FLNC: variants seen among roughly 807,000 people sequenced by gnomAD.
FLNC encodes the protein filamin-C.
In FLNC, 91 loss-of-function variants were observed where a neutral mutation model predicts 254.3. The ratio of observed to expected loss-of-function variants is 0.36; its 90% CI spans 0.30 to 0.43. The LOEUF is 0.43. FLNC is among the 20% of genes least tolerant of loss of function. FLNC has a pLI of 1.00. For synonymous variants in FLNC, 1,430 were observed against 1,577.2 expected (o/e 0.91, Z 2.21); for missense variants, 2,853 against 3,802.6 (o/e 0.75, Z 6.57).
At chr7:128,846,566 T>C in intron 23 of FLNC, 103 bp downstream of exon 23, 5 of 1,476,864 alleles carry the variant, frequency 3.4e-6, no homozygotes, top group Non-Finnish European at 4.7e-6. Flanking sequence ...CCCCATCCTC[T>C]CTCAGGGGTG....
chr7:128,842,112 T>G lies in FLNC; in HGVS notation c.2122-119T>G, dbSNP rs993254412. On this transcript the variant is annotated intron_variant, in intron 13 of 47. Coordinates refer to ENST00000325888, the MANE Select transcript of FLNC (RefSeq NM_001458.5). The surrounding 1 kb of genome is among the most constrained non-coding windows in gnomAD (Gnocchi z 5.4). ...GGGCTCTGGTGGCCTCAGTGGCTGG[T>G]GTGGGGGCGGGAGTGCCAGTGTTGG... 8.6e-5 allele frequency: 89 copies of G among 1,032,466 alleles called. No homozygotes were observed. The highest frequency in any genetic ancestry group is 3.0e-4 in the Middle Eastern group (1 of 3,374). The allele number at this position is 1,032,466 out of a possible 1,614,324, so 64.0% of individuals were successfully genotyped here.
intron 5 of FLNC, 112 bp downstream of exon 5, chr7:128,837,867 G>C: frequency 7.3e-7 from 1 of 1,364,652 alleles, no homozygotes; most frequent in Non-Finnish European, 1.0e-6. Flanking sequence ...ACACTGTGCT[G>C]TGCAGTCTGG....
chr7:128,842,511 T>C lies in FLNC; in HGVS notation c.2266-64T>C. ...CTGGTGCCACTGAGGCTGGGCCGGG[T>C]GCGCTGGGCAGGAGGATGAGCCTTG... On this transcript the variant is annotated intron_variant, in intron 14 of 47. Transcript: ENST00000325888. The surrounding 1 kb of genome is among the most constrained non-coding windows in gnomAD (Gnocchi z 5.4). The C allele has an allele frequency of 6.4e-7, 1 of 1,553,302 alleles. No individual in the cohort carries two copies. Among genetic ancestry groups the C allele is most frequent in the Non-Finnish European group, 8.7e-7 (1 of 1,148,768 alleles).
rs543730745 is a variant in FLNC at position 128,831,713 on chromosome 7, C to T, written c.352+724C>T. On this transcript the variant is annotated intron_variant, in intron 1 of 47. Coordinates refer to ENST00000325888, the MANE Select transcript of FLNC (RefSeq NM_001458.5). Reference sequence around the variant, plus strand: ...CCACCCCCTACCGCGGGATTGGCTGCAGCTAACGGTCTGGGCTGCGGGGAG... The same window carrying T: ...CCACCCCCTACCGCGGGATTGGCTGTAGCTAACGGTCTGGGCTGCGGGGAG... 6.0e-4 allele frequency among the ~76,000 whole-genome samples: 91 copies of T among 152,068 alleles called. 2 individuals are homozygous for T. Among genetic ancestry groups the T allele is most frequent in the African/African-American group, 2.2e-3 (90 of 41,462 alleles).
At position 128,840,885 on chromosome 7, in the gene FLNC, C is replaced by G. The variant is rs370464621; in HGVS notation, c.1728C>G (p.Ala576=). ...SPEAGVQKVR[A]WGPGLETGQV... ...AGGCAGGAGTGCAAAAGGTCCGGGCCTGGGGTCCTGGTTTGGAGACTGGCC... is the reference window on the plus strand; with the variant it reads ...AGGCAGGAGTGCAAAAGGTCCGGGCGTGGGGTCCTGGTTTGGAGACTGGCC... The change falls in exon 11 of 48, where the codon GCC becomes GCG. Residue 576 remains alanine, a synonymous_variant. Transcript: ENST00000325888. 14 of 1,613,862 alleles carry G rather than the reference C, an allele frequency of 8.7e-6. No homozygotes were observed. In the African/African-American group the frequency reaches 1.9e-4, roughly 22 times the overall value.
intron 1 of FLNC, among the ~76,000 whole-genome samples, chr7:128,831,285 G>A (rs1010936909): frequency 3.9e-5 from 6 of 152,152 alleles, no homozygotes; most frequent in Non-Finnish European, 8.8e-5. Flanking sequence ...CTCCCGCCTC[G>A]GCTCACCGTT....
At chr7:128,838,163 GC>G in intron 6 of FLNC, 99 bp downstream of exon 6, 2 of 1,484,908 alleles carry the variant, frequency 1.3e-6, no homozygotes, top group Non-Finnish European at 1.9e-6. Flanking sequence ...CCTGCCCAGA[GC>G]CCCAGCTGCC....
chr7:128,843,921 G>A lies in FLNC; in HGVS notation c.2929+8G>A, dbSNP rs1808445965. 5 of 1,613,928 alleles carry A rather than the reference G, an allele frequency of 3.1e-6. No individual in the cohort carries two copies. Among genetic ancestry groups the A allele is most frequent in the South Asian group, 1.1e-5 (1 of 91,084 alleles). On this transcript the variant is annotated splice_region_variant and intron_variant, in intron 19 of 47. Coordinates refer to ENST00000325888, the MANE Select transcript of FLNC (RefSeq NM_001458.5). ...TTCAGGGCCTTAATAGCAGTAAGTG[G>A]GGCAAGAGCCACCCTGGGAGTGAGG...
chr7:128,855,490 G>A (rs1000105837), intron 43 of FLNC, among the ~76,000 whole-genome samples, 176 bp downstream of exon 43: 1 of 152,310 alleles, frequency 6.6e-6, no homozygotes. Context: ...CCACCCTGGG[G>A]GCTTGCCCGT....
chr7:128,838,162 A>G, intron 6 of FLNC, 98 bp downstream of exon 6: 1 of 1,493,332 alleles, frequency 6.7e-7, no homozygotes, highest in South Asian at 1.1e-5. Flanking sequence ...GCCTGCCCAG[A>G]GCCCCAGCTG....
At position 128,838,447 on chromosome 7, in the gene FLNC, G is replaced by A; in HGVS notation, c.1210+18G>A. On this transcript the variant is annotated intron_variant, in intron 7 of 47. Coordinates refer to ENST00000325888, the MANE Select transcript of FLNC (RefSeq NM_001458.5). Reference sequence around the variant, plus strand: ...CACTGCGGGTAGGACGGGCCCCAGGGGGTGCAGGTGGAAAGCCCCTGACCA... The same window carrying A: ...CACTGCGGGTAGGACGGGCCCCAGGAGGTGCAGGTGGAAAGCCCCTGACCA... 2 of 1,613,308 alleles carry A rather than the reference G, an allele frequency of 1.2e-6. No homozygotes were observed. Among genetic ancestry groups the A allele is most frequent in the Non-Finnish European group, 1.7e-6 (2 of 1,179,714 alleles).
intron 25 of FLNC, 34 bp from the exon 26 acceptor site, chr7:128,847,911 C>A: frequency 1.2e-6 from 2 of 1,613,714 alleles, no homozygotes; most frequent in Non-Finnish European, 1.7e-6. Flanking sequence ...GCGGGACGCC[C>A]GGAGGCTCTG....
Position 128,856,622 on chromosome 7 carries a change from G to A in FLNC, c.7356G>A (p.Glu2452=). Residue 2452 remains glutamate (E), a synonymous_variant, in exon 44 of 48, where the codon GAG becomes GAA. Transcript: ENST00000325888. The surrounding 1 kb of genome is among the most constrained non-coding windows in gnomAD (Gnocchi z 5.9). ...ARVHTPSGAV[E]ECYVSELDSD... ...TGCACACACCCTCGGGGGCTGTGGA[G>A]GAGTGCTACGTCTCTGAGCTGGACA... 1.2e-6 allele frequency: 2 copies of A among 1,612,860 alleles called. No individual in the cohort carries two copies. Among genetic ancestry groups the A allele is most frequent in the Non-Finnish European group, 1.7e-6 (2 of 1,180,004 alleles).
Position 128,841,605 on chromosome 7 carries a change from A to C in FLNC, c.2121+38A>C. ...CCAGTCTCTGCTGCCCTTACTACCC[A>C]TGGCAGGGACCCTGGAAGGCAGGGC... On this transcript the variant is annotated intron_variant, in intron 13 of 47. Transcript: ENST00000325888. This position sits in a 1 kb window ranked among gnomAD's most constrained non-coding sequence, Gnocchi z 4.3. 1.1e-5 allele frequency: 17 copies of C among 1,490,030 alleles called. No homozygotes were observed. The highest frequency in any genetic ancestry group is 1.6e-5 in the Non-Finnish European group (17 of 1,066,694). The allele number at this position is 1,490,030 out of a possible 1,614,324, so 92.3% of individuals were successfully genotyped here. A position where few individuals can be genotyped will look rare whatever the true frequency, so the allele number is the denominator to read the frequency against.
In FLNC at chr7:128,846,409, C is replaced by G. The variant is rs769586047; in HGVS notation, c.4073C>G (p.Pro1358Arg). 1.2e-5 allele frequency: 20 copies of G among 1,608,340 alleles called. No homozygotes were observed. The Admixed American group carries it at 2.0e-4, about 16-fold the overall frequency. The change falls in exon 23 of 48, where the codon CCA (proline) becomes CGA (arginine). Residue 1358 changes from proline (P) to arginine (R), a missense_variant. Physicochemically the swap from Pro to Arg is moderately radical, Grantham distance 103 (BLOSUM62 -2). Transcript: ENST00000325888. ...CCCACCCGCGTCCGAGCCTTCGGGCCAGGCCTGGAGGGTGGCTTGGTCAAC... is the reference window on the plus strand; with the variant it reads ...CCCACCCGCGTCCGAGCCTTCGGGCGAGGCCTGGAGGGTGGCTTGGTCAAC... ...CDPTRVRAFG[P>R]GLEGGLVNKA...
In FLNC at chr7:128,849,211, G is replaced by A. The variant is rs370501464; in HGVS notation, c.4951+7G>A. The A allele has an allele frequency of 1.3e-5, 21 of 1,613,966 alleles. No individual in the cohort carries two copies. The African/African-American group carries it at 2.7e-4, about 21-fold the overall frequency. Reference sequence around the variant, plus strand: ...ATTGGAGGCCATGGCCTGGGTGAGTGCCCTTTCTCTCCTCTTCTTGGTGTG... The same window carrying A: ...ATTGGAGGCCATGGCCTGGGTGAGTACCCTTTCTCTCCTCTTCTTGGTGTG... On this transcript the variant is annotated splice_region_variant and intron_variant, in intron 29 of 47. Transcript: ENST00000325888.
At chr7:128,837,906 G>T in intron 5 of FLNC, 81 bp from the exon 6 acceptor site, 2 of 1,420,820 alleles carry the variant, frequency 1.4e-6, no homozygotes, top group Non-Finnish European at 2.0e-6. Context: ...GGCTGAGTGG[G>T]GCTGGGGTGC....
rs540710772 is a variant in FLNC, at chr7:128,844,320, A to C, written c.3192+54A>C. 4 of 1,553,350 alleles carry C rather than the reference A, an allele frequency of 2.6e-6. No individual in the cohort carries two copies. The African/African-American group carries it at 4.1e-5, about 16-fold the overall frequency. ...GGAGTTGGGGACTTGTTGGGAAGATAGATGAGTCATAGGGGGCAGAGGCCA... is the reference window on the plus strand; with the variant it reads ...GGAGTTGGGGACTTGTTGGGAAGATCGATGAGTCATAGGGGGCAGAGGCCA... On this transcript the variant is annotated intron_variant, in intron 20 of 47. Coordinates refer to ENST00000325888, the MANE Select transcript of FLNC (RefSeq NM_001458.5).
intron 20 of FLNC, 49 bp downstream of exon 20, chr7:128,844,315 A>C: frequency 6.4e-7 from 1 of 1,559,770 alleles, no homozygotes; most frequent in Non-Finnish European, 8.7e-7. Context: ...ACTTGTTGGG[A>C]AGATAGATGA....
Sources: gnomAD v4.1 joint callset for allele counts (sites outside exome capture counted in the v4.1 genomes callset) on GRCh38, gnomAD v4.1.1 for gene constraint, Gnocchi (gnomAD v3.1) non-coding constraint, MANE v1.5 for transcripts, NCBI Gene and HGNC (gene_info 2026-07-23, HGNC 2026-07-21) for gene names.